The following PPP3CC variants were observed in gnomAD, a reference collection of about 807,000 sequenced individuals.
PPP3CC encodes serine/threonine-protein phosphatase 2B catalytic subunit gamma isoform.
A neutral mutation model predicts 60.3 loss-of-function variants in PPP3CC; 35 were observed. The ratio of observed to expected loss-of-function variants is 0.58; its 90% CI spans 0.44 to 0.77. The LOEUF (loss-of-function observed/expected upper bound fraction) is 0.77, where lower values mean the gene tolerates loss of function less well. PPP3CC is among the 30% of genes least tolerant of loss of function. PPP3CC has a pLI of 0.00. For synonymous variants in PPP3CC, 206 were observed against 224.3 expected (o/e 0.92, Z 0.73); for missense variants, 570 against 628.9 (o/e 0.91, Z 1.00).
At position 22,517,650 on chromosome 8, in the gene PPP3CC, A is replaced by G. The variant is rs560166483; in HGVS notation, c.770+4218A>G. ...GGGTTTTCCAGTGTTTTGGTGTGTGATTATTCGTAATAGTCCGTTATGATC... is the reference window on the plus strand; with the variant it reads ...GGGTTTTCCAGTGTTTTGGTGTGTGGTTATTCGTAATAGTCCGTTATGATC... On this transcript the variant is annotated intron_variant, in intron 6 of 13. Coordinates refer to ENST00000240139, the MANE Select transcript of PPP3CC (RefSeq NM_005605.5). Among the ~76,000 whole-genome samples, 219 of 152,126 alleles carry G rather than the reference A, an allele frequency of 1.4e-3. 2 individuals are homozygous for G. Among genetic ancestry groups the G allele is most frequent in the Non-Finnish European group, 2.5e-3 (169 of 67,986 alleles).
At chr8:22,522,870 G>C in intron 8 of PPP3CC, 121 bp downstream of exon 8, 1 of 747,196 alleles carries the variant, frequency 1.3e-6, no homozygotes, top group Non-Finnish European at 2.1e-6. Context: ...AAGAAAAAAA[G>C]GGGTCTTAGT....
At chr8:22,499,263 C>T (rs1044384283) in intron 4 of PPP3CC, among the ~76,000 whole-genome samples, 1 of 150,772 alleles carries the variant, frequency 6.6e-6, no homozygotes, top group Admixed American at 6.6e-5. Flanking sequence ...CAAGGTGAAA[C>T]CCCGTCTCTA....
chr8:22,511,860 C>T (rs959551046), intron 5 of PPP3CC, among the ~76,000 whole-genome samples: 17 of 152,146 alleles, frequency 1.1e-4, no homozygotes, highest in Non-Finnish European at 2.2e-4. Context: ...ACTGTGTAAC[C>T]TTAACCAAGT....
rs1416282766 is a variant in PPP3CC, at chr8:22,456,991, C to T, written c.49+15533C>T. Among the ~76,000 whole-genome samples the T allele has an allele frequency of 1.1e-4, 4 of 36,980 alleles. No homozygotes were observed. The Admixed American group carries it at 1.1e-3, about 10-fold the overall frequency. 24.3% of individuals were successfully genotyped at this position (36,980 alleles called of 152,430 possible). A position where few individuals can be genotyped will look rare whatever the true frequency, so the allele number is the denominator to read the frequency against. On this transcript the variant is annotated intron_variant, in intron 1 of 13. Coordinates refer to ENST00000240139, the MANE Select transcript of PPP3CC (RefSeq NM_005605.5). ...CTCAGCTGTGATTTATTTCCTCCCT[C>T]CCTCCCTCCCTCCCTCCCTCCCTCC...
At chr8:22,532,850 C>T in intron 11 of PPP3CC, 71 bp from the exon 12 acceptor site, 2 of 1,066,202 alleles carry the variant, frequency 1.9e-6, no homozygotes, top group South Asian at 2.0e-5. Flanking sequence ...TTCTTCACTT[C>T]CTTCAATATC....
chr8:22,459,900 T>C (rs1455946543), intron 1 of PPP3CC, among the ~76,000 whole-genome samples: 3 of 152,168 alleles, frequency 2.0e-5, no homozygotes, highest in Non-Finnish European at 2.9e-5. Context: ...CGCTGACAAT[T>C]GGACTTTTGA....
At chr8:22,497,871 A>C in intron 3 of PPP3CC, 130 bp from the exon 4 acceptor site, 2 of 605,232 alleles carry the variant, frequency 3.3e-6, no homozygotes, top group Non-Finnish European at 2.9e-6. Flanking sequence ...TCACATTCAA[A>C]AGGTTTCATT....
chr8:22,488,661 T>C (rs1278578258), intron 3 of PPP3CC, among the ~76,000 whole-genome samples: 1 of 152,218 alleles, frequency 6.6e-6, no homozygotes, highest in Non-Finnish European at 1.5e-5. Flanking sequence ...GCATCATGTA[T>C]TTGTTTACCA....
chr8:22,496,486 T>TTTTTTTTTTTTTTTTTTTTTTTTTG, intron 3 of PPP3CC, among the ~76,000 whole-genome samples: 1 of 55,144 alleles, frequency 1.8e-5, no homozygotes. Context: ...AACTGTAATC[T>TTTTTTTTTTTTTTTTTTTTTTTTTG]TTTTTTTTTT....
intron 3 of PPP3CC, among the ~76,000 whole-genome samples, chr8:22,483,447 C>T (rs560786214): frequency 1.4e-4 from 22 of 152,172 alleles, no homozygotes; most frequent in South Asian, 2.1e-4. Context: ...CCGCTACGCC[C>T]GGCTAATTTT....
intron 4 of PPP3CC, among the ~76,000 whole-genome samples, chr8:22,499,799 C>T (rs1838710167): frequency 2.6e-5 from 4 of 152,238 alleles, no homozygotes; most frequent in East Asian, 1.9e-4. Flanking sequence ...CCGAGATTTT[C>T]TCCTCTAGTT....
intron 3 of PPP3CC, among the ~76,000 whole-genome samples, chr8:22,487,020 G>A (rs1424295968): frequency 6.6e-6 from 1 of 152,032 alleles, no homozygotes; most frequent in African/African-American, 2.4e-5. Context: ...ATGAGCCACC[G>A]CGCCCAGCCC....
chr8:22,467,218 GTATT>G (rs1414386702), intron 1 of PPP3CC, among the ~76,000 whole-genome samples: 1 of 152,048 alleles, frequency 6.6e-6, no homozygotes, highest in Non-Finnish European at 1.5e-5. Flanking sequence ...GTATTTTAAG[GTATT>G]TATTTATGTA....
intron 6 of PPP3CC, among the ~76,000 whole-genome samples, chr8:22,520,361 A>G (rs1369110922): frequency 6.6e-6 from 1 of 152,078 alleles, no homozygotes; most frequent in Non-Finnish European, 1.5e-5. Flanking sequence ...TTTCCTCCCT[A>G]GATTTGTTAA....
chr8:22,443,949 G>A lies in PPP3CC; in HGVS notation c.49+2491G>A, dbSNP rs188995226. 1.7e-3 allele frequency among the ~76,000 whole-genome samples: 257 copies of A among 152,306 alleles called. 2 individuals are homozygous for A. The highest frequency in any genetic ancestry group is 2.9e-3 in the South Asian group (14 of 4,826). Reference sequence around the variant, plus strand: ...ACAGCTTGAAAGCTTTTTCAGAGGTGATACCACACCCCAGCTATTTTTGTT... The same window carrying A: ...ACAGCTTGAAAGCTTTTTCAGAGGTAATACCACACCCCAGCTATTTTTGTT... On this transcript the variant is annotated intron_variant, in intron 1 of 13. Coordinates refer to ENST00000240139, the MANE Select transcript of PPP3CC (RefSeq NM_005605.5).
At chr8:22,523,644 G>T (rs894104436) in intron 8 of PPP3CC, 1 of 454,182 alleles carries the variant, frequency 2.2e-6, no homozygotes, top group Non-Finnish European at 4.4e-6. Flanking sequence ...TGCCTTCAGA[G>T]TCTGCGACAC....
chr8:22,532,152 C>G (rs1029929894), intron 10 of PPP3CC, 73 bp from the exon 11 acceptor site: 8 of 1,103,486 alleles, frequency 7.2e-6, no homozygotes, highest in African/African-American at 1.6e-5. Flanking sequence ...ACTTAAGACA[C>G]TTCATCCTGA....
intron 3 of PPP3CC, among the ~76,000 whole-genome samples, chr8:22,493,318 A>C (rs747918628): frequency 6.6e-6 from 1 of 152,084 alleles, no homozygotes; most frequent in Non-Finnish European, 1.5e-5. Flanking sequence ...AATTAAGCTG[A>C]AGAATCCTGG....
intron 10 of PPP3CC, 141 bp downstream of exon 10, chr8:22,528,718 G>A (rs1839626920): frequency 1.9e-5 from 12 of 634,024 alleles, no homozygotes; most frequent in Non-Finnish European, 2.9e-5. Context: ...TGAAAAATAC[G>A]AGAAACCATA....
Sources: gnomAD v4.1 joint callset for allele counts (sites outside exome capture counted in the v4.1 genomes callset) on GRCh38, gnomAD v4.1.1 for gene constraint, MANE v1.5 for transcripts, NCBI Gene and HGNC (gene_info 2026-07-23, HGNC 2026-07-21) for gene names.